Variants in PDE7B observed in about 807,000 individuals in gnomAD.
PDE7B encodes 3',5'-cyclic-AMP phosphodiesterase 7B.
In PDE7B, 29 loss-of-function variants were observed where a neutral mutation model predicts 56.2. That is an observed-to-expected ratio of 0.52 (90% CI 0.38 to 0.70). The LOEUF is 0.70. PDE7B is among the 30% of genes least tolerant of loss of function. The pLI is 0.00. For missense variants in PDE7B, 490 were observed against 565.0 expected, an observed-to-expected ratio of 0.87 and a Z score of 1.35; for synonymous variants, 197 against 196.9, an observed-to-expected ratio of 1.00 and a Z score of 0.00.
chr6:136,188,389 C>G (rs980877311), intron 12 of PDE7B, among the ~76,000 whole-genome samples: 1 of 151,978 alleles, frequency 6.6e-6, no homozygotes, highest in African/African-American at 2.4e-5. Flanking sequence ...AAAGATAATA[C>G]AGAGTTGCTG....
intron 1 of PDE7B, among the ~76,000 whole-genome samples, chr6:135,931,953 G>GCACA (rs35849934): frequency 2.8e-4 from 18 of 64,310 alleles, no homozygotes; most frequent in South Asian, 9.9e-4. Context: ...ACACGCGCGC[G>GCACA]CACACACACA....
intron 2 of PDE7B, among the ~76,000 whole-genome samples, chr6:136,106,758 T>C (rs529595623): frequency 6.6e-6 from 1 of 152,196 alleles, no homozygotes; most frequent in Admixed American, 6.5e-5. Flanking sequence ...TTTGTAAACA[T>C]AGGGTGTTCA....
At chr6:136,040,267 A>G (rs1776391209) in intron 2 of PDE7B, among the ~76,000 whole-genome samples, 1 of 152,128 alleles carries the variant, frequency 6.6e-6, no homozygotes, top group Non-Finnish European at 1.5e-5. Flanking sequence ...ACACCTTTCC[A>G]AAGGATGTGT....
intron 3 of PDE7B, among the ~76,000 whole-genome samples, chr6:136,138,210 A>G (rs1778249431): frequency 6.6e-6 from 1 of 152,144 alleles, no homozygotes; most frequent in Non-Finnish European, 1.5e-5. Flanking sequence ...TTAGCTAATC[A>G]TTTACGTTTC....
chr6:135,907,968 C>G, intron 1 of PDE7B, among the ~76,000 whole-genome samples: 1 of 151,994 alleles, frequency 6.6e-6, no homozygotes. Flanking sequence ...CTGAAAATCT[C>G]AGGAATGCAA....
intron 2 of PDE7B, among the ~76,000 whole-genome samples, chr6:135,969,197 A>G (rs1775050486): frequency 6.6e-6 from 1 of 152,122 alleles, no homozygotes; most frequent in African/African-American, 2.4e-5. Context: ...CAGCTAATGT[A>G]TGCTGGACTT....
intron 1 of PDE7B, among the ~76,000 whole-genome samples, chr6:135,898,180 G>A (rs558400515): frequency 6.6e-6 from 1 of 152,226 alleles, no homozygotes; most frequent in South Asian, 2.1e-4. Flanking sequence ...TGTTCGCAAG[G>A]AGGAAGAAAG....
At chr6:136,046,645 A>G (rs756099630) in intron 2 of PDE7B, among the ~76,000 whole-genome samples, 29 of 152,276 alleles carry the variant, frequency 1.9e-4, no homozygotes, top group Admixed American at 9.2e-4. Context: ...TCCCCAGGGT[A>G]TCAGGAGTAG....
intron 1 of PDE7B, among the ~76,000 whole-genome samples, chr6:135,882,052 T>G (rs181100918): frequency 6.3e-4 from 96 of 152,328 alleles, no homozygotes; most frequent in Middle Eastern, 6.8e-3. Context: ...TTTGGCACCA[T>G]TCTTCAATTT....
At chr6:135,975,900 G>C (rs1036957661) in intron 2 of PDE7B, among the ~76,000 whole-genome samples, 1 of 152,122 alleles carries the variant, frequency 6.6e-6, no homozygotes, top group African/African-American at 2.4e-5. Flanking sequence ...ACAGTGAGCT[G>C]GAGAGGATGT....
intron 2 of PDE7B, among the ~76,000 whole-genome samples, chr6:136,025,865 A>G (rs1186248390): frequency 6.6e-6 from 1 of 152,246 alleles, no homozygotes; most frequent in Non-Finnish European, 1.5e-5. Flanking sequence ...CTCAACACTC[A>G]GAAACATTTA....
chr6:136,007,905 C>T (rs1775816945), intron 2 of PDE7B, among the ~76,000 whole-genome samples: 1 of 151,746 alleles, frequency 6.6e-6, no homozygotes, highest in African/African-American at 2.4e-5. Context: ...CATATGTATA[C>T]ATGTGCCATG....
In PDE7B at chr6:136,084,776, C is replaced by G. The variant is rs75900521; in HGVS notation, c.83-23955C>G. ...CTTAGATCAAGGCATCTAAAAGGTA[C>G]TTATCTTTATGTTCTCCCTTTAAGG... On this transcript the variant is annotated intron_variant, in intron 2 of 12. Transcript: ENST00000308191. 2.4e-4 allele frequency among the ~76,000 whole-genome samples: 37 copies of G among 152,218 alleles called. No homozygotes were observed. The East Asian group carries it at 6.6e-3, about 27-fold the overall frequency.
intron 1 of PDE7B, among the ~76,000 whole-genome samples, chr6:135,864,623 T>C (rs961450757): frequency 6.6e-6 from 1 of 152,144 alleles, no homozygotes; most frequent in African/African-American, 2.4e-5. Flanking sequence ...CATGTTTGAT[T>C]GCTTGTTTTG....
chr6:136,134,375 G>A (rs1583899770), intron 3 of PDE7B, among the ~76,000 whole-genome samples: 1 of 152,192 alleles, frequency 6.6e-6, no homozygotes, highest in East Asian at 1.9e-4. Context: ...TGGAGACTTA[G>A]AATCAACTCA....
chr6:136,170,371 G>A (rs1283992904), intron 8 of PDE7B, among the ~76,000 whole-genome samples: 1 of 152,060 alleles, frequency 6.6e-6, no homozygotes, highest in Admixed American at 6.6e-5. Flanking sequence ...CATTCATAAT[G>A]TGCAATCATC....
chr6:135,908,303 A>C (rs1440785638), intron 1 of PDE7B, among the ~76,000 whole-genome samples: 1 of 151,884 alleles, frequency 6.6e-6, no homozygotes, highest in African/African-American at 2.4e-5. Flanking sequence ...CATATCGGTC[A>C]GGCTGGTCTC....
intron 2 of PDE7B, among the ~76,000 whole-genome samples, chr6:136,007,544 T>C (rs753209542): frequency 6.6e-6 from 1 of 152,086 alleles, no homozygotes; most frequent in African/African-American, 2.4e-5. Flanking sequence ...CTAATCTTAG[T>C]TCCCCTTTGT....
chr6:135,974,711 C>A lies in PDE7B; in HGVS notation c.82+27187C>A, dbSNP rs375083829. On this transcript the variant is annotated intron_variant, in intron 2 of 12. Transcript: ENST00000308191. The stretch of plus-strand genomic sequence containing the variant: ...CATAGTCAGGAATATGTGACAGACA[C>A]CTCTCGTACTTTAAGTCAAGATATT... Among the ~76,000 whole-genome samples, 15 of 152,312 alleles carry A rather than the reference C, an allele frequency of 9.8e-5. 1 individual carries two copies. The highest frequency in any genetic ancestry group is 5.2e-4 in the Admixed American group (8 of 15,284).
Sources: gnomAD v4.1 joint callset for allele counts (sites outside exome capture counted in the v4.1 genomes callset) on GRCh38, gnomAD v4.1.1 for gene constraint, MANE v1.5 for transcripts, NCBI Gene and HGNC (gene_info 2026-07-23, HGNC 2026-07-21) for gene names.